The following NRIP1 variants were observed in gnomAD, a reference collection of about 807,000 sequenced individuals.
The protein encoded by NRIP1 is nuclear receptor-interacting protein 1.
A neutral mutation model predicts 75.0 loss-of-function variants in NRIP1; 28 were observed. The observed-to-expected ratio is 0.37, with a 90% confidence interval of 0.28 to 0.51. The LOEUF is 0.51. NRIP1 is among the 20% of genes least tolerant of loss of function. The pLI, the probability that NRIP1 is intolerant of heterozygous loss-of-function variation, is 0.92. For missense variants in NRIP1, 1,435 were observed against 1,343.7 expected (o/e 1.07, Z -1.06); for synonymous variants, 526 against 487.6 (o/e 1.08, Z -1.04).
intron 2 of NRIP1, among the ~76,000 whole-genome samples, chr21:15,023,685 G>A (rs1449293621): frequency 6.6e-6 from 1 of 152,080 alleles, no homozygotes; most frequent in African/African-American, 2.4e-5. Context: ...AATGTAAAAG[G>A]TTTAATAAGT....
intron 3 of NRIP1, among the ~76,000 whole-genome samples, chr21:15,007,672 G>GT (rs1232930204): frequency 2.6e-5 from 4 of 152,130 alleles, no homozygotes; most frequent in Non-Finnish European, 4.4e-5. Flanking sequence ...GTGTGAGAGC[G>GT]TATTTCCCTT....
chr21:14,965,152 A>G lies in NRIP1; in HGVS notation c.3041T>C (p.Phe1014Ser), dbSNP rs896726815. 3 of 1,612,952 alleles carry G rather than the reference A, an allele frequency of 1.9e-6. No homozygotes were observed. Among genetic ancestry groups the G allele is most frequent in the Non-Finnish European group, 2.5e-6 (3 of 1,179,904 alleles). The change falls in exon 4 of 4, where the codon TTC becomes TCC. Residue 1014 changes from phenylalanine (F) to serine (S), a missense_variant. Transcript: ENST00000318948. ...CCCTGCACAGCCCAAGTGCTCAGGG[A>G]AAGTAGGACTCACAGGAGTTTTTAC... The part of the protein sequence containing the change: ...GVVKTPVSPT[F>S]PEHLGCAGSR...
At chr21:14,975,640 AAAAAGG>A (rs1317252783) in intron 3 of NRIP1, among the ~76,000 whole-genome samples, 3 of 145,394 alleles carry the variant, frequency 2.1e-5, no homozygotes, top group African/African-American at 8.1e-5. Context: ...AAAAAAAAAA[AAAAAGG>A]AAGGAAGGAA....
chr21:15,046,022 A>G (rs1378753310), intron 1 of NRIP1, among the ~76,000 whole-genome samples: 3 of 152,214 alleles, frequency 2.0e-5, no homozygotes, highest in African/African-American at 7.2e-5. Flanking sequence ...GATGTCTTCA[A>G]CCCGCCAAAG....
rs138344830 is a variant in NRIP1, at chr21:15,015,235, A to G, written c.-457-769T>C. On this transcript the variant is annotated intron_variant, in intron 2 of 3. Transcript: ENST00000318948. ...GAAAACGCAAATTCATCTATTGTGA[A>G]AGAAAATAGATCAGTGAGGTTGCCT... is the stretch of plus-strand genomic sequence containing the variant. Among the ~76,000 whole-genome samples, 34 of 152,326 alleles carry G rather than the reference A, an allele frequency of 2.2e-4. No homozygotes were observed. In the East Asian group the frequency reaches 6.2e-3, roughly 28 times the overall value.
chr21:15,031,303 C>T (rs113246516), intron 2 of NRIP1, among the ~76,000 whole-genome samples: 23 of 135,938 alleles, frequency 1.7e-4, no homozygotes, highest in South Asian at 1.0e-3. Flanking sequence ...GGAGGTTCAC[C>T]ACATTCCCTT....
intron 3 of NRIP1, among the ~76,000 whole-genome samples, chr21:15,003,545 C>A (rs759158394): frequency 1.3e-5 from 2 of 152,178 alleles, no homozygotes; most frequent in African/African-American, 2.4e-5. Context: ...TGGCTCATGA[C>A]CTTGTCCTCT....
At position 14,965,155 on chromosome 21, in the gene NRIP1, G is replaced by C; in HGVS notation, c.3038C>G (p.Thr1013Ser). The change falls in exon 4 of 4, where the codon ACT becomes AGT. Residue 1013 changes from threonine (T) to serine (S), a missense_variant. Thr to Ser is a moderately conservative substitution (Grantham distance 58). Transcript: ENST00000318948. ...PGVVKTPVSPTFPEHLGCAGS... is the reference protein window; with the variant it reads ...PGVVKTPVSPSFPEHLGCAGS... ...TGCACAGCCCAAGTGCTCAGGGAAA[G>C]TAGGACTCACAGGAGTTTTTACTAC... 1 of 1,613,068 alleles carries C rather than the reference G, an allele frequency of 6.2e-7. No homozygotes were observed. The highest frequency in any genetic ancestry group is 2.2e-5 in the East Asian group (1 of 44,872).
At chr21:15,060,925 C>T (rs1478717094) in intron 1 of NRIP1, among the ~76,000 whole-genome samples, 2 of 152,084 alleles carry the variant, frequency 1.3e-5, no homozygotes, top group African/African-American at 4.8e-5. Context: ...CCTGTTTCAC[C>T]ATCTGACACT....
At position 14,965,741 on chromosome 21, in the gene NRIP1, G is replaced by A. The variant is rs1420111742; in HGVS notation, c.2452C>T (p.Leu818=). 2 of 1,613,944 alleles carry A rather than the reference G, an allele frequency of 1.2e-6. No homozygotes were observed. The highest frequency in any genetic ancestry group is 1.7e-6 in the Non-Finnish European group (2 of 1,179,960). Residue 818 remains leucine (L), a synonymous_variant, in exon 4 of 4, where the codon CTG becomes TTG. Transcript: ENST00000318948. The part of the protein sequence containing the change: ...PQDFSFSKNG[L]LSRLLRQNQD... ...TTTTGTCTTAGCAATCGACTTAGCA[G>A]ACCATTCTTGGAGAAAGAAAAATCC...
intron 1 of NRIP1, among the ~76,000 whole-genome samples, chr21:15,062,902 A>G (rs9982976): frequency 0.39 from 58,963 of 152,102 alleles, 13,835 homozygotes; most frequent in African/African-American, 0.67. Flanking sequence ...CAAGTTCTGC[A>G]GAGTTTAGAA....
chr21:15,027,635 A>G (rs1379073982), intron 2 of NRIP1, among the ~76,000 whole-genome samples: 1 of 152,210 alleles, frequency 6.6e-6, no homozygotes, highest in African/African-American at 2.4e-5. Flanking sequence ...AGCTAACATA[A>G]ATGCTTGCTT....
intron 1 of NRIP1, among the ~76,000 whole-genome samples, chr21:15,057,341 G>A (rs2147403038): frequency 6.6e-6 from 1 of 152,240 alleles, no homozygotes; most frequent in East Asian, 1.9e-4. Flanking sequence ...ATTATATAAA[G>A]AAACATAGTT....
At position 14,961,447 on chromosome 21, in the gene NRIP1, T is replaced by C. The variant is rs2086588854; in HGVS notation, c.*3269A>G. ...ACACCAGAATTCTTACTATGAATGG[T>C]AATGTGCCTATATTCCAGTATTGCT... On this transcript the variant is annotated 3_prime_UTR_variant, in exon 4 of 4. Transcript: ENST00000318948. 1 of 152,472 alleles carries C rather than the reference T, an allele frequency of 6.6e-6. No homozygotes were observed. Among genetic ancestry groups the C allele is most frequent in the South Asian group, 2.1e-4 (1 of 4,834 alleles). The allele number at this position is 152,472 out of a possible 1,614,324, so 9.4% of individuals were successfully genotyped here.
intron 2 of NRIP1, among the ~76,000 whole-genome samples, chr21:15,043,246 T>C (rs1274458815): frequency 6.6e-6 from 1 of 152,210 alleles, no homozygotes. Flanking sequence ...TAAAGTAAAA[T>C]GTAAATACCT....
chr21:15,016,909 GGAAA>G (rs768824370), intron 2 of NRIP1, among the ~76,000 whole-genome samples: 6 of 127,526 alleles, frequency 4.7e-5, no homozygotes, highest in Non-Finnish European at 1.0e-4. Flanking sequence ...AAAGAAGGAA[GGAAA>G]GAAAGAGAGA....
At chr21:14,990,326 T>C (rs1351726241) in intron 3 of NRIP1, among the ~76,000 whole-genome samples, 2 of 152,030 alleles carry the variant, frequency 1.3e-5, no homozygotes, top group Non-Finnish European at 2.9e-5. Context: ...GATACTGATA[T>C]AATGCCACCA....
chr21:15,061,072 G>A (rs1232942555), intron 1 of NRIP1, among the ~76,000 whole-genome samples: 1 of 152,126 alleles, frequency 6.6e-6, no homozygotes, highest in Non-Finnish European at 1.5e-5. Context: ...ACAACTTAAG[G>A]AAATGCAACT....
In NRIP1 at chr21:14,965,151, G is replaced by C; in HGVS notation, c.3042C>G (p.Phe1014Leu). Reference sequence around the variant, plus strand: ...ACCCTGCACAGCCCAAGTGCTCAGGGAAAGTAGGACTCACAGGAGTTTTTA... The same window carrying C: ...ACCCTGCACAGCCCAAGTGCTCAGGCAAAGTAGGACTCACAGGAGTTTTTA... ...GVVKTPVSPTFPEHLGCAGSR... is the reference protein window; with the variant it reads ...GVVKTPVSPTLPEHLGCAGSR... Residue 1014 changes from phenylalanine (F) to leucine (L), a missense_variant, in exon 4 of 4, where the codon TTC becomes TTG. Transcript: ENST00000318948. The C allele has an allele frequency of 6.2e-7, 1 of 1,612,978 alleles. No individual in the cohort carries two copies. The highest frequency in any genetic ancestry group is 2.2e-5 in the East Asian group (1 of 44,860).
Sources: allele counts gnomAD v4.1 joint callset (sites outside exome capture counted in the v4.1 genomes callset), GRCh38; gene constraint gnomAD v4.1.1; transcripts MANE v1.5; gene names NCBI Gene and HGNC (gene_info 2026-07-23, HGNC 2026-07-21).